ZMPSTE24: variants seen among roughly 807,000 people sequenced by gnomAD.
ZMPSTE24 encodes the protein CAAX prenyl protease 1 homolog.
Under a neutral mutation model 56.7 loss-of-function variants are expected in ZMPSTE24, and 48 were observed. That is an observed-to-expected ratio of 0.85 (90% CI 0.67 to 1.08). The LOEUF (loss-of-function observed/expected upper bound fraction) is 1.08. Ranked by LOEUF, ZMPSTE24 falls within the 50% of genes least tolerant of loss-of-function variation. The pLI is 0.00. For missense variants in ZMPSTE24, 503 were observed against 548.7 expected (o/e 0.92, Z 0.83); for synonymous variants, 172 against 195.2 (o/e 0.88, Z 0.99).
In ZMPSTE24 at chr1:40,258,361, G is replaced by A; in HGVS notation, c.90G>A (p.Val30=). The change falls in exon 1 of 10, where the codon GTG becomes GTA. Residue 30 remains valine (V), a synonymous_variant. Transcript: ENST00000372759. ...FGAVLLFSWT[V]YLWETFLAQR... is the part of the protein sequence containing the mutation. ...CCGTGCTGCTCTTTTCCTGGACAGTGTATCTTTGGGAGACCTTCCTAGCAC... is the reference window on the plus strand; with the variant it reads ...CCGTGCTGCTCTTTTCCTGGACAGTATATCTTTGGGAGACCTTCCTAGCAC... 6.2e-7 allele frequency: 1 copy of A among 1,614,224 alleles called. No individual in the cohort carries two copies. The highest frequency in any genetic ancestry group is 8.5e-7 in the Non-Finnish European group (1 of 1,180,048).
chr1:40,280,033 C>T (rs1032187490), intron 6 of ZMPSTE24, among the ~76,000 whole-genome samples: 14 of 152,068 alleles, frequency 9.2e-5, no homozygotes, highest in African/African-American at 2.7e-4. Context: ...TAAGAGAAGA[C>T]GACACTTCAA....
chr1:40,258,724 A>G (rs1256914871), intron 1 of ZMPSTE24, among the ~76,000 whole-genome samples: 2 of 152,126 alleles, frequency 1.3e-5, no homozygotes, highest in Non-Finnish European at 2.9e-5. Flanking sequence ...CTTTAAAAGG[A>G]TTTAGACACC....
intron 1 of ZMPSTE24, among the ~76,000 whole-genome samples, chr1:40,259,795 A>G (rs149238925): frequency 8.6e-5 from 13 of 151,716 alleles, no homozygotes; most frequent in African/African-American, 2.4e-4. Flanking sequence ...ATTTTTTTGT[A>G]GAGATGTTGC....
intron 3 of ZMPSTE24, among the ~76,000 whole-genome samples, 163 bp from the exon 4 acceptor site, chr1:40,268,256 A>G (rs537310615): frequency 6.6e-6 from 1 of 152,210 alleles, no homozygotes; most frequent in African/African-American, 2.4e-5. Flanking sequence ...ACTTCTCTCA[A>G]AAGTAAACTT....
intron 7 of ZMPSTE24, among the ~76,000 whole-genome samples, chr1:40,283,978 G>A (rs1569655940): frequency 1.5e-5 from 2 of 133,052 alleles, no homozygotes; most frequent in African/African-American, 2.8e-5. Context: ...TTGCCCTCTC[G>A]CCCAGGCTGG....
intron 2 of ZMPSTE24, chr1:40,263,046 G>A: frequency 1.1e-6 from 1 of 941,844 alleles, no homozygotes; most frequent in African/African-American, 1.8e-5. Flanking sequence ...CCCACTACAG[G>A]GCCATAGTAA....
At position 40,268,019 on chromosome 1, in the gene ZMPSTE24, A is replaced by C. The variant is rs900610914; in HGVS notation, c.357+147A>C. 9.1e-5 allele frequency: 65 copies of C among 715,824 alleles called. No homozygotes were observed. In the African/African-American group the frequency reaches 1.1e-3, roughly 12 times the overall value. 44.3% of individuals were successfully genotyped at this position (715,824 alleles called of 1,614,324 possible). On this transcript the variant is annotated intron_variant, in intron 3 of 9. Coordinates refer to ENST00000372759, the MANE Select transcript of ZMPSTE24 (RefSeq NM_005857.5). ...TGGTTACCCATGCTGTATTGGCATA[A>C]CATTAGTTACAATAACAAATCCCAG...
In ZMPSTE24 at chr1:40,268,430, C is replaced by T; in HGVS notation, c.369C>T (p.Ser123=). 1.2e-6 allele frequency: 2 copies of T among 1,611,550 alleles called. No individual in the cohort carries two copies. The highest frequency in any genetic ancestry group is 1.7e-6 in the Non-Finnish European group (2 of 1,179,372). The part of the protein sequence containing the change: ...GFGPEYEITQ[S]LVFLLLATLF... ...TTTCTTTTGTTTAGATCACTCAGTC[C>T]CTGGTGTTTCTGCTGTTGGCTACAC... The change falls in exon 4 of 10, where the codon TCC becomes TCT. Residue 123 remains serine, a synonymous_variant. Coordinates refer to ENST00000372759, the MANE Select transcript of ZMPSTE24 (RefSeq NM_005857.5).
Position 40,292,666 on chromosome 1 carries a change from C to T in ZMPSTE24, c.1425C>T (p.His475=), listed in dbSNP as rs757210271. Residue 475 remains histidine, a synonymous_variant, in exon 10 of 10, where the codon CAC becomes CAT. Transcript: ENST00000372759. The stretch of plus-strand genomic sequence containing the variant: ...AAGCTTTGAAAACTATGAAGCAACA[C>T]TGAGATGTCCAGGATCTGTGACTGA... The part of the protein sequence containing the change: ...RLQALKTMKQ[H] The T allele has an allele frequency of 3.1e-6, 5 of 1,612,564 alleles. No homozygotes were observed. In the East Asian group the frequency reaches 8.9e-5, roughly 29 times the overall value.
rs781706477 is a variant in ZMPSTE24 at position 40,281,528 on chromosome 1, G to A, written c.954+1G>A. 3.7e-6 allele frequency: 6 copies of A among 1,613,714 alleles called. No individual in the cohort carries two copies. The highest frequency in any genetic ancestry group is 5.1e-6 in the Non-Finnish European group (6 of 1,179,748). On this transcript the variant is annotated splice_donor_variant, in intron 7 of 9. Transcript: ENST00000372759. LOFTEE classifies it high-confidence loss of function. The stretch of plus-strand genomic sequence containing the variant: ...TGAAGAAATAAAAGCTAAAGTTAAA[G>A]TGAGTTATTTTTTCCTAAGAGATTC...
chr1:40,273,534 AAAAATATATAT>A (rs1353892721), intron 6 of ZMPSTE24, among the ~76,000 whole-genome samples: 3 of 79,720 alleles, frequency 3.8e-5, no homozygotes, highest in African/African-American at 6.6e-5. Flanking sequence ...AAAAAAAAAA[AAAAATATATAT>A]ATATATATAT....
chr1:40,280,995 A>G (rs1166755698), intron 6 of ZMPSTE24, among the ~76,000 whole-genome samples: 1 of 152,194 alleles, frequency 6.6e-6, no homozygotes, highest in Non-Finnish European at 1.5e-5. Context: ...TATCCTTCAC[A>G]ATATATTGGT....
At chr1:40,259,344 T>C (rs1643472405) in intron 1 of ZMPSTE24, 1 of 152,102 alleles carries the variant, frequency 6.6e-6, no homozygotes, top group African/African-American at 2.4e-5. Context: ...ATTTATTTAA[T>C]TTTAGAGTCT....
At chr1:40,284,102 A>AT (rs10600489) in intron 7 of ZMPSTE24, among the ~76,000 whole-genome samples, 193 of 116,914 alleles carry the variant, frequency 1.7e-3, no homozygotes, top group Non-Finnish European at 2.3e-3. Context: ...TGCCCAGCTA[A>AT]TTTTTTTTTT....
chr1:40,285,095 T>TATG (rs1569658117), intron 7 of ZMPSTE24, among the ~76,000 whole-genome samples: 1 of 49,758 alleles, frequency 2.0e-5, no homozygotes, highest in Non-Finnish European at 3.6e-5. Context: ...CTGGCTAATT[T>TATG]ATTATTATTA....
intron 2 of ZMPSTE24, among the ~76,000 whole-genome samples, chr1:40,263,902 G>A (rs1208415881): frequency 6.6e-6 from 1 of 151,984 alleles, no homozygotes; most frequent in Non-Finnish European, 1.5e-5. Flanking sequence ...TATCAATAAA[G>A]GGCCCACTGA....
chr1:40,265,800 C>T (rs1476695384), intron 2 of ZMPSTE24, among the ~76,000 whole-genome samples: 2 of 152,220 alleles, frequency 1.3e-5, no homozygotes, highest in Non-Finnish European at 2.9e-5. Context: ...TGATTTGGTA[C>T]ATCTGGGGTA....
chr1:40,290,916 T>A lies in ZMPSTE24; in HGVS notation c.1122T>A (p.Ala374=), dbSNP rs1001649175. ...AVLIGRKELF[A]AFGFYDSQPT... Reference sequence around the variant, plus strand: ...TAATTGGTCGAAAGGAGCTTTTTGCTGCATTTGGTTTTTATGATAGCCAAC... The same window carrying A: ...TAATTGGTCGAAAGGAGCTTTTTGCAGCATTTGGTTTTTATGATAGCCAAC... The change falls in exon 9 of 10, where the codon GCT becomes GCA. Residue 374 remains alanine (A), a synonymous_variant. Transcript: ENST00000372759. The A allele has an allele frequency of 9.9e-6, 16 of 1,614,040 alleles. No homozygotes were observed. Among genetic ancestry groups the A allele is most frequent in the Non-Finnish European group, 1.4e-5 (16 of 1,180,010 alleles).
chr1:40,282,084 C>T (rs551603608), intron 7 of ZMPSTE24, among the ~76,000 whole-genome samples: 17 of 152,204 alleles, frequency 1.1e-4, no homozygotes, highest in African/African-American at 4.1e-4. Context: ...CTTTACTTGG[C>T]ACTAGGTACA....
Sources: allele counts gnomAD v4.1 joint callset (sites outside exome capture counted in the v4.1 genomes callset), GRCh38; gene constraint gnomAD v4.1.1; transcripts MANE v1.5; gene names NCBI Gene and HGNC (gene_info 2026-07-23, HGNC 2026-07-21).